Variants in TMEM47 observed in about 807,000 individuals in gnomAD.
TMEM47 encodes the protein brain cell membrane protein 1.
In TMEM47, 3 loss-of-function variants were observed where a neutral mutation model predicts 12.4. The observed-to-expected ratio is 0.24, with a 90% CI of 0.11 to 0.63. The LOEUF (loss-of-function observed/expected upper bound fraction) is 0.63, where lower values mean the gene tolerates loss of function less well. TMEM47 is among the 20% of genes least tolerant of loss of function. The pLI is 0.86. For missense variants in TMEM47, 89 were observed against 143.8 expected (o/e 0.62, Z 1.95); for synonymous variants, 62 against 63.3 (o/e 0.98, Z 0.10).
In TMEM47 at chrX:34,627,141, T is replaced by A. The variant is rs1921522769; in HGVS notation, c.*3172A>T. 1 of 111,663 alleles carries A rather than the reference T, an allele frequency of 9.0e-6. No individual in the cohort carries two copies. The highest frequency in any genetic ancestry group is 3.3e-5 in the African/African-American group (1 of 30,612). 9.2% of individuals were successfully genotyped at this position (111,663 alleles called of 1,213,427 possible). A position where few individuals can be genotyped will look rare whatever the true frequency, so the allele number is the denominator to read the frequency against. On this transcript the variant is annotated 3_prime_UTR_variant, in exon 3 of 3. Transcript: ENST00000275954. ...GACTTCATGTCAACTACAAAAATCA[T>A]GAAATGAAGAACTGATTGTGAAACT...
At position 34,656,847 on chromosome X, in the gene TMEM47, G is replaced by A. The variant is rs781317700; in HGVS notation, c.183C>T (p.Pro61=). The change falls in exon 1 of 3, where the codon CCC becomes CCT. Residue 61 remains proline (P), a synonymous_variant. Coordinates refer to ENST00000275954, the MANE Select transcript of TMEM47 (RefSeq NM_031442.4). ...CGCAGTGCCAGATGTCCAAGCTGGC[G>A]GGTTTCCGGCAGGACTCCCACAACG... ...YLSLWESCRK[P]ASLDIWHCES... 2.6e-6 allele frequency: 3 copies of A among 1,169,909 alleles called. No individual in the cohort carries two copies. In the African/African-American group the frequency reaches 5.3e-5, roughly 21 times the overall value.
intron 1 of TMEM47, among the ~76,000 whole-genome samples, chrX:34,656,293 A>G (rs1254535194): frequency 1.8e-5 from 2 of 111,431 alleles, no homozygotes; most frequent in Admixed American, 1.9e-4. Context: ...ACCGAAATAC[A>G]TTGGTGAAAA....
Position 34,642,661 on chromosome X carries a change from T to C in TMEM47, c.227-3274A>G, listed in dbSNP as rs529842891. Reference sequence around the variant, plus strand: ...CTAGATGTAAAGTCAACAAGGAGAATCATCAGCATTACCACTGTTGTGATA... The same window carrying C: ...CTAGATGTAAAGTCAACAAGGAGAACCATCAGCATTACCACTGTTGTGATA... On this transcript the variant is annotated intron_variant, in intron 1 of 2. Transcript: ENST00000275954. Among the ~76,000 whole-genome samples, 18 of 112,203 alleles carry C rather than the reference T, an allele frequency of 1.6e-4. No individual in the cohort carries two copies. In the South Asian group the frequency reaches 6.7e-3, roughly 42 times the overall value.
intron 1 of TMEM47, among the ~76,000 whole-genome samples, chrX:34,644,767 C>T (rs1921880590): frequency 8.9e-6 from 1 of 111,748 alleles, no homozygotes; most frequent in Non-Finnish European, 1.9e-5. Flanking sequence ...GTATTCCCCT[C>T]AATGTATTCC....
chrX:34,652,500 G>A (rs762939550), intron 1 of TMEM47, among the ~76,000 whole-genome samples: 3 of 111,873 alleles, frequency 2.7e-5, no homozygotes, highest in East Asian at 2.8e-4. Context: ...AATGTTTTAC[G>A]AAAGGCCAGG....
At chrX:34,641,081 C>T (rs12843145) in intron 1 of TMEM47, among the ~76,000 whole-genome samples, 2 of 67,725 alleles carry the variant, frequency 3.0e-5, no homozygotes, top group Admixed American at 3.9e-4. Flanking sequence ...CAGCATGTAG[C>T]TTTGAATTAA....
At chrX:34,638,313 T>C (rs1921753092) in intron 2 of TMEM47, among the ~76,000 whole-genome samples, 1 of 111,800 alleles carries the variant, frequency 8.9e-6, no homozygotes, top group Non-Finnish European at 1.9e-5. Flanking sequence ...CCCCCAATTC[T>C]GACCAGCCTT....
At chrX:34,636,416 G>A (rs1185228143) in intron 2 of TMEM47, among the ~76,000 whole-genome samples, 1 of 111,833 alleles carries the variant, frequency 8.9e-6, no homozygotes, top group East Asian at 2.8e-4. Context: ...ATGTAAAATC[G>A]AATTATAAAA....
At chrX:34,652,744 G>T (rs1347067255) in intron 1 of TMEM47, among the ~76,000 whole-genome samples, 3 of 112,078 alleles carry the variant, frequency 2.7e-5, no homozygotes, top group Non-Finnish European at 3.8e-5. Flanking sequence ...TATCAGTGGA[G>T]AAAGTTTTGG....
Position 34,630,281 on chromosome X carries a change from T to C in TMEM47, c.*32A>G. The C allele has an allele frequency of 8.7e-7, 1 of 1,143,049 alleles. No homozygotes were observed. Among genetic ancestry groups the C allele is most frequent in the Non-Finnish European group, 1.2e-6 (1 of 849,505 alleles). 94.2% of individuals were successfully genotyped at this position (1,143,049 alleles called of 1,213,427 possible). A position where few individuals can be genotyped will look rare whatever the true frequency, so the allele number is the denominator to read the frequency against. On this transcript the variant is annotated 3_prime_UTR_variant, in exon 3 of 3. Transcript: ENST00000275954. Reference sequence around the variant, plus strand: ...CAGACGTAATCCTTTTGTTGGATGGTGGTGGTTGTTTTTACTTTGAGACTA... The same window carrying C: ...CAGACGTAATCCTTTTGTTGGATGGCGGTGGTTGTTTTTACTTTGAGACTA...
chrX:34,627,262 CAT>C lies in TMEM47; in HGVS notation c.*3049_*3050del, dbSNP rs1272946451. 1 of 111,457 alleles carries C rather than the reference CAT, an allele frequency of 9.0e-6. No individual in the cohort carries two copies. The highest frequency in any genetic ancestry group is 1.9e-5 in the Non-Finnish European group (1 of 52,965). 9.2% of individuals were successfully genotyped at this position (111,457 alleles called of 1,213,427 possible). A position where few individuals can be genotyped will look rare whatever the true frequency, so the allele number is the denominator to read the frequency against. Reference sequence around the variant, plus strand: ...CATGAATTCATGTTTAAGTAGTAAACATGTCATATATTTAAAAATAATAAATA... The same window carrying C: ...CATGAATTCATGTTTAAGTAGTAAACGTCATATATTTAAAAATAATAAATA... On this transcript the variant is annotated 3_prime_UTR_variant, in exon 3 of 3. Transcript: ENST00000275954.
At position 34,639,349 on chromosome X, in the gene TMEM47, C is replaced by T. The variant is rs779449154; in HGVS notation, c.265G>A (p.Ala89Thr). The change falls in exon 2 of 3, where the codon GCT becomes ACT. Residue 89 changes from alanine (A) to threonine (T), a missense_variant. Ala to Thr is a moderately conservative substitution (Grantham distance 58). Coordinates refer to ENST00000275954, the MANE Select transcript of TMEM47 (RefSeq NM_031442.4). Reference sequence around the variant, plus strand: ...AGGAATGCAATGAGAATGATGGCAGCGCCGCCCAGGAGTAAAGCCAGAGTA... The same window carrying T: ...AGGAATGCAATGAGAATGATGGCAGTGCCGCCCAGGAGTAAAGCCAGAGTA... ...IATLALLLGG[A>T]AIILIAFLVG... The T allele has an allele frequency of 2.5e-6, 3 of 1,206,168 alleles. No individual in the cohort carries two copies. Among genetic ancestry groups the T allele is most frequent in the Non-Finnish European group, 3.4e-6 (3 of 893,515 alleles).
At chrX:34,630,844 G>T (rs1921603621) in intron 2 of TMEM47, among the ~76,000 whole-genome samples, 1 of 109,552 alleles carries the variant, frequency 9.1e-6, no homozygotes, top group Non-Finnish European at 1.9e-5. Context: ...AAACTAAATT[G>T]TGCCACTAAT....
Position 34,649,476 on chromosome X carries a change from C to T in TMEM47, c.226+7328G>A, listed in dbSNP as rs183535699. ...GAAAACCAAATACAGCATGTTCTCACTTATAAGTGGGAGCTAAATCATGAG... is the reference window on the plus strand; with the variant it reads ...GAAAACCAAATACAGCATGTTCTCATTTATAAGTGGGAGCTAAATCATGAG... On this transcript the variant is annotated intron_variant, in intron 1 of 2. Transcript: ENST00000275954. Among the ~76,000 whole-genome samples, 242 of 111,038 alleles carry T rather than the reference C, an allele frequency of 2.2e-3. 1 individual carries two copies. Among genetic ancestry groups the T allele is most frequent in the African/African-American group, 7.7e-3 (234 of 30,526 alleles).
chrX:34,645,918 A>C (rs1440350454), intron 1 of TMEM47, among the ~76,000 whole-genome samples: 1 of 111,834 alleles, frequency 8.9e-6, no homozygotes, highest in Non-Finnish European at 1.9e-5. Context: ...CCATAGTAGT[A>C]ATCAGGTTGG....
intron 1 of TMEM47, among the ~76,000 whole-genome samples, chrX:34,639,864 G>T (rs1183690911): frequency 9.0e-6 from 1 of 111,037 alleles, no homozygotes; most frequent in African/African-American, 3.3e-5. Flanking sequence ...CCTCCCACCT[G>T]GGCTACTGAG....
intron 2 of TMEM47, among the ~76,000 whole-genome samples, chrX:34,634,076 A>G (rs1921671923): frequency 9.0e-6 from 1 of 111,665 alleles, no homozygotes; most frequent in African/African-American, 3.3e-5. Flanking sequence ...AGAAAAAAAA[A>G]ACATAAAGAG....
intron 1 of TMEM47, among the ~76,000 whole-genome samples, chrX:34,640,472 G>C (rs1921796022): frequency 8.9e-6 from 1 of 111,993 alleles, no homozygotes; most frequent in East Asian, 2.8e-4. Flanking sequence ...GAGACAAAGT[G>C]AATCTATGAA....
chrX:34,637,320 A>T (rs1283086858), intron 2 of TMEM47, among the ~76,000 whole-genome samples: 1 of 109,883 alleles, frequency 9.1e-6, no homozygotes, highest in African/African-American at 3.3e-5. Context: ...TAAATAAAAG[A>T]CCTCAGAGAA....
Sources: gnomAD v4.1 joint callset for allele counts (sites outside exome capture counted in the v4.1 genomes callset) on GRCh38, gnomAD v4.1.1 for gene constraint, MANE v1.5 for transcripts, NCBI Gene and HGNC (gene_info 2026-07-23, HGNC 2026-07-21) for gene names.